The following ZNF585A variants were observed in gnomAD, a reference collection of about 807,000 sequenced individuals.
The protein encoded by ZNF585A is zinc finger protein 585A.
Under a neutral mutation model 14.9 loss-of-function variants are expected in ZNF585A, and 9 were observed. That is an observed-to-expected ratio of 0.60 (90% CI 0.36 to 1.05). ZNF585A has a LOEUF of 1.05. Among genes scored for constraint, ZNF585A ranks in the 50% least tolerant of loss-of-function variants. ZNF585A has a pLI of 0.01. For synonymous variants in ZNF585A, 276 were observed against 319.9 expected (o/e 0.86, Z 1.46); for missense variants, 726 against 926.4 (o/e 0.78, Z 2.81).
rs988129709 is a variant in ZNF585A at position 37,146,982 on chromosome 19, C to T, written c.*4607G>A. 1.3e-5 allele frequency: 2 copies of T among 152,104 alleles called. No individual in the cohort carries two copies. Among genetic ancestry groups the T allele is most frequent in the African/African-American group, 2.4e-5 (1 of 41,384 alleles). The allele number at this position is 152,104 out of a possible 1,614,324, so 9.4% of individuals were successfully genotyped here. On this transcript the variant is annotated 3_prime_UTR_variant, in exon 5 of 5. Transcript: ENST00000292841. ...AATCTGTGCGGGGCATCTGGTCAAC[C>T]TCGATATTATTGCTATTATTCATTC...
Position 37,156,275 on chromosome 19 carries a change from C to T in ZNF585A, c.153G>A (p.Leu51=). Residue 51 remains leucine (L), a synonymous_variant, in exon 3 of 5, where the codon CTG becomes CTA. Coordinates refer to ENST00000292841, the MANE Select transcript of ZNF585A (RefSeq NM_001288800.2). The part of the protein sequence containing the change: ...WRHLDPSQRN[L]YRDVMLETYS... The stretch of plus-strand genomic sequence containing the variant: ...AGGTCTCCAGCATCACATCCCGGTA[C>T]AGGTTTCTCTGAGAAGGGTCCAGGT... 1 of 1,614,176 alleles carries T rather than the reference C, an allele frequency of 6.2e-7. No homozygotes were observed. The highest frequency in any genetic ancestry group is 8.5e-7 in the Non-Finnish European group (1 of 1,180,024).
intron 2 of ZNF585A, among the ~76,000 whole-genome samples, chr19:37,159,910 A>T (rs914663935): frequency 3.3e-5 from 5 of 152,230 alleles, no homozygotes; most frequent in Non-Finnish European, 2.9e-5. Context: ...TAGACAGTAA[A>T]AATACAACCT....
intron 1 of ZNF585A, among the ~76,000 whole-genome samples, chr19:37,171,536 A>G (rs899474260): frequency 6.6e-6 from 1 of 152,216 alleles, no homozygotes; most frequent in African/African-American, 2.4e-5. Flanking sequence ...AAAATGAGTT[A>G]TTTTATAAAT....
rs746331448 is a variant in ZNF585A, at chr19:37,170,032, G to C, written c.-122C>G. ...GTCTAGAGGAAAATCTGGCCCAGGG[G>C]CTCCCCAGAGACACCCAGAAACCTG... On this transcript the variant is annotated 5_prime_UTR_variant, in exon 2 of 5. Coordinates refer to ENST00000292841, the MANE Select transcript of ZNF585A (RefSeq NM_001288800.2). 2.5e-6 allele frequency: 3 copies of C among 1,176,546 alleles called. No homozygotes were observed. In the South Asian group the frequency reaches 4.3e-5, roughly 17 times the overall value. The allele number at this position is 1,176,546 out of a possible 1,614,324, so 72.9% of individuals were successfully genotyped here.
chr19:37,153,401 A>G lies in ZNF585A; in HGVS notation c.498T>C (p.Ala166=), dbSNP rs1251544390. Residue 166 remains alanine, a synonymous_variant, in exon 5 of 5, where the codon GCT becomes GCC. Transcript: ENST00000292841. ...TAATAAATTCTGGCTTCTGTACAAA[A>G]GCCTTCCCACATTCAATGCATACAT... The part of the protein sequence containing the change: ...KLYVCIECGK[A]FVQKPEFIIH... 6.2e-7 allele frequency: 1 copy of G among 1,613,994 alleles called. No homozygotes were observed. Among genetic ancestry groups the G allele is most frequent in the African/African-American group, 1.3e-5 (1 of 74,982 alleles).
At chr19:37,163,890 C>CCA (rs925462379) in intron 2 of ZNF585A, among the ~76,000 whole-genome samples, 9 of 151,236 alleles carry the variant, frequency 6.0e-5, no homozygotes, top group African/African-American at 1.7e-4. Context: ...ATGCATCTTT[C>CCA]CACACACACA....
At chr19:37,164,382 G>A (rs1193036319) in intron 2 of ZNF585A, among the ~76,000 whole-genome samples, 4 of 149,526 alleles carry the variant, frequency 2.7e-5, no homozygotes, top group Non-Finnish European at 5.9e-5. Flanking sequence ...CAGCCGGGGC[G>A]ACACAGCAAG....
At chr19:37,156,722 C>T (rs896288352) in intron 2 of ZNF585A, among the ~76,000 whole-genome samples, 29 of 151,954 alleles carry the variant, frequency 1.9e-4, no homozygotes, top group African/African-American at 6.1e-4. Context: ...AACAGAGTCT[C>T]GCTCTGTTGT....
intron 4 of ZNF585A, among the ~76,000 whole-genome samples, chr19:37,154,408 A>C (rs1043262709): frequency 6.6e-6 from 1 of 152,232 alleles, no homozygotes; most frequent in African/African-American, 2.4e-5. Context: ...TGGGGGAAAG[A>C]GAAAAAGGAA....
chr19:37,151,541 T>C lies in ZNF585A; in HGVS notation c.*48A>G. 6.6e-6 allele frequency: 10 copies of C among 1,522,878 alleles called. No individual in the cohort carries two copies. Among genetic ancestry groups the C allele is most frequent in the Non-Finnish European group, 8.9e-6 (10 of 1,124,512 alleles). 94.3% of individuals were successfully genotyped at this position (1,522,878 alleles called of 1,614,324 possible). On this transcript the variant is annotated 3_prime_UTR_variant, in exon 5 of 5. Coordinates refer to ENST00000292841, the MANE Select transcript of ZNF585A (RefSeq NM_001288800.2). Reference sequence around the variant, plus strand: ...TTTTTCTGCTGCATGCGTGCAACAGTGTACAATCAGACCCAACCCTCAGGG... The same window carrying C: ...TTTTTCTGCTGCATGCGTGCAACAGCGTACAATCAGACCCAACCCTCAGGG...
rs1053330592 is a variant in ZNF585A, at chr19:37,147,283, A to G, written c.*4306T>C. On this transcript the variant is annotated 3_prime_UTR_variant, in exon 5 of 5. Coordinates refer to ENST00000292841, the MANE Select transcript of ZNF585A (RefSeq NM_001288800.2). Reference sequence around the variant, plus strand: ...ATAAGATGGGGATGGAGGCACTGCAAAGGTGGAAGAGGAAAGCAAGATGCA... The same window carrying G: ...ATAAGATGGGGATGGAGGCACTGCAGAGGTGGAAGAGGAAAGCAAGATGCA... 10 of 152,316 alleles carry G rather than the reference A, an allele frequency of 6.6e-5. No homozygotes were observed. Among genetic ancestry groups the G allele is most frequent in the African/African-American group, 2.2e-4 (9 of 41,446 alleles). 9.4% of individuals were successfully genotyped at this position (152,316 alleles called of 1,614,324 possible).
At chr19:37,165,086 G>A (rs1009031382) in intron 2 of ZNF585A, among the ~76,000 whole-genome samples, 8 of 152,128 alleles carry the variant, frequency 5.3e-5, no homozygotes, top group Admixed American at 2.0e-4. Context: ...TTTCAGCTGG[G>A]TGCGGTGGCT....
rs1971815749 is a variant in ZNF585A, at chr19:37,150,858, T to C, written c.*731A>G. 1 of 154,650 alleles carries C rather than the reference T, an allele frequency of 6.5e-6. No individual in the cohort carries two copies. The highest frequency in any genetic ancestry group is 1.5e-5 in the Non-Finnish European group (1 of 68,274). The allele number at this position is 154,650 out of a possible 1,614,324, so 9.6% of individuals were successfully genotyped here. ...ACCTCGGAAGCTTTCTTGAAGGTGA[T>C]GGGAGTTCACAAGACACGGTGCTGG... On this transcript the variant is annotated 3_prime_UTR_variant, in exon 5 of 5. Transcript: ENST00000292841.
At chr19:37,154,898 C>T (rs559940271) in intron 4 of ZNF585A, among the ~76,000 whole-genome samples, 68 of 151,452 alleles carry the variant, frequency 4.5e-4, no homozygotes, top group African/African-American at 1.5e-3. Context: ...AAAGCAGATC[C>T]GTGAATGCGT....
In ZNF585A at chr19:37,152,966, T is replaced by C; in HGVS notation, c.933A>G (p.Ser311=). 1 of 1,614,250 alleles carries C rather than the reference T, an allele frequency of 6.2e-7. No individual in the cohort carries two copies. The highest frequency in any genetic ancestry group is 8.5e-7 in the Non-Finnish European group (1 of 1,180,048). The change falls in exon 5 of 5, where the codon TCA becomes TCG. Residue 311 remains serine (S), a synonymous_variant. Transcript: ENST00000292841. ...GAACACGTTGATGTACCTGAAGTTG[T>C]GACTTGGAAATGAAGGATTTGCCAC... ...SNCGKSFISK[S]QLQVHQRVHT... is the part of the protein sequence containing the mutation.
Position 37,172,641 on chromosome 19 carries a change from G to T in ZNF585A, c.-159C>A, listed in dbSNP as rs568663674. On this transcript the variant is annotated 5_prime_UTR_variant, in exon 1 of 5. Coordinates refer to ENST00000292841, the MANE Select transcript of ZNF585A (RefSeq NM_001288800.2). ...ACCAAAATCACCTCAAAGATTTATC[G>T]GTATTGGAATATGAAAATACTCCTG... is the stretch of plus-strand genomic sequence containing the variant. 6.6e-6 allele frequency: 1 copy of T among 152,170 alleles called. No homozygotes were observed. The highest frequency in any genetic ancestry group is 1.5e-5 in the Non-Finnish European group (1 of 68,022). 9.4% of individuals were successfully genotyped at this position (152,170 alleles called of 1,614,324 possible).
chr19:37,158,955 A>G (rs1184635335), intron 2 of ZNF585A, among the ~76,000 whole-genome samples: 1 of 152,184 alleles, frequency 6.6e-6, no homozygotes, highest in East Asian at 1.9e-4. Flanking sequence ...TAAAGTAAGA[A>G]TGGCAGAATG....
At chr19:37,167,920 G>A (rs1443275045) in intron 2 of ZNF585A, among the ~76,000 whole-genome samples, 5 of 152,056 alleles carry the variant, frequency 3.3e-5, no homozygotes, top group African/African-American at 7.2e-5. Flanking sequence ...GTGAGCCACC[G>A]CCCCAGACCT....
At chr19:37,167,229 CAGTG>C (rs1972106484) in intron 2 of ZNF585A, among the ~76,000 whole-genome samples, 1 of 152,190 alleles carries the variant, frequency 6.6e-6, no homozygotes, top group African/African-American at 2.4e-5. Flanking sequence ...GGCTGAAGTG[CAGTG>C]GCACAATCTT....
Sources: gnomAD v4.1 joint callset for allele counts (sites outside exome capture counted in the v4.1 genomes callset) on GRCh38, gnomAD v4.1.1 for gene constraint, MANE v1.5 for transcripts, NCBI Gene and HGNC (gene_info 2026-07-23, HGNC 2026-07-21) for gene names.